The following CHCHD6 variants were observed in gnomAD, a reference collection of about 807,000 sequenced individuals.
CHCHD6 encodes the protein coiled-coil-helix-coiled-coil-helix domain containing 6.
In CHCHD6, 28 loss-of-function variants were observed where a neutral mutation model predicts 32.3. The observed-to-expected ratio is 0.87, with a 90% confidence interval of 0.64 to 1.19. The LOEUF is 1.19. Ranked by LOEUF, CHCHD6 falls within the 50% of genes most tolerant of loss-of-function variation. The pLI is 0.00. For synonymous variants in CHCHD6, 122 were observed against 117.5 expected (o/e 1.04, Z -0.25); for missense variants, 333 against 307.0 (o/e 1.08, Z -0.63).
At chr3:126,833,812 T>G (rs1940737394) in intron 4 of CHCHD6, among the ~76,000 whole-genome samples, 1 of 151,952 alleles carries the variant, frequency 6.6e-6, no homozygotes, top group South Asian at 2.1e-4. Flanking sequence ...TCCCAGCACT[T>G]TGGGAGGCCG....
intron 4 of CHCHD6, among the ~76,000 whole-genome samples, chr3:126,811,468 A>C (rs931461950): frequency 6.6e-6 from 1 of 152,356 alleles, no homozygotes; most frequent in Middle Eastern, 3.4e-3. Flanking sequence ...TTTGCTAATC[A>C]AACAGAACAT....
chr3:126,948,330 C>T (rs1040862314), intron 6 of CHCHD6, among the ~76,000 whole-genome samples: 9 of 152,352 alleles, frequency 5.9e-5, no homozygotes, highest in East Asian at 3.9e-4. Flanking sequence ...GTTGCAGCCC[C>T]TCCTAGGCTG....
chr3:126,846,462 T>G (rs972830165), intron 4 of CHCHD6, among the ~76,000 whole-genome samples: 7 of 152,238 alleles, frequency 4.6e-5, no homozygotes, highest in African/African-American at 1.7e-4. Context: ...ACTATGTATG[T>G]GGCTTTGCAC....
chr3:126,929,270 C>T (rs887793996), intron 6 of CHCHD6, among the ~76,000 whole-genome samples: 3 of 152,190 alleles, frequency 2.0e-5, no homozygotes, highest in African/African-American at 7.2e-5. Context: ...AGATAAGCAG[C>T]CAGAATGCAG....
At chr3:126,897,764 A>C (rs1045928825) in intron 5 of CHCHD6, among the ~76,000 whole-genome samples, 3 of 152,112 alleles carry the variant, frequency 2.0e-5, no homozygotes, top group Non-Finnish European at 4.4e-5. Context: ...TTGTCCCCCT[A>C]GGCCCTTTGG....
intron 6 of CHCHD6, among the ~76,000 whole-genome samples, chr3:126,944,560 C>T (rs1304896719): frequency 6.6e-6 from 1 of 152,232 alleles, no homozygotes; most frequent in Admixed American, 6.5e-5. Context: ...TCACAGGACC[C>T]TCTCAGGTGA....
intron 4 of CHCHD6, among the ~76,000 whole-genome samples, chr3:126,838,044 T>A (rs748630660): frequency 5.3e-5 from 8 of 152,122 alleles, no homozygotes; most frequent in Non-Finnish European, 1.2e-4. Context: ...GGGAGCAGTG[T>A]CAGCACTGCA....
intron 6 of CHCHD6, among the ~76,000 whole-genome samples, chr3:126,924,907 GGCCTCCATCACCT>G (rs2078301244): frequency 6.6e-6 from 1 of 152,164 alleles, no homozygotes; most frequent in Admixed American, 6.5e-5. Flanking sequence ...TTTCCTTCCA[GGCCTCCATCACCT>G]GCCTTTCATT....
intron 5 of CHCHD6, among the ~76,000 whole-genome samples, chr3:126,913,207 CTTTTTTTTTTTTTTT>C (rs546179022): frequency 2.1e-4 from 7 of 33,784 alleles, no homozygotes; most frequent in South Asian, 1.2e-3. Context: ...CCGTATGAGC[CTTTTTTTTTTTTTTT>C]TTTTTTTTTT....
At chr3:126,797,356 CT>C (rs2107688871) in intron 4 of CHCHD6, among the ~76,000 whole-genome samples, 1 of 152,302 alleles carries the variant, frequency 6.6e-6, no homozygotes, top group Admixed American at 6.5e-5. Context: ...AGAAACTAGA[CT>C]TTCCATATTT....
chr3:126,828,502 A>G (rs1940505457), intron 4 of CHCHD6, among the ~76,000 whole-genome samples: 1 of 152,192 alleles, frequency 6.6e-6, no homozygotes, highest in African/African-American at 2.4e-5. Flanking sequence ...GCAGCTGGCA[A>G]ATCAGGCCTG....
chr3:126,851,436 G>A (rs149140714), intron 4 of CHCHD6, among the ~76,000 whole-genome samples: 1 of 152,236 alleles, frequency 6.6e-6, no homozygotes, highest in Non-Finnish European at 1.5e-5. Flanking sequence ...TCTACCGCTG[G>A]CTAGCTTGTG....
At chr3:126,852,094 C>T (rs1234036320) in intron 4 of CHCHD6, among the ~76,000 whole-genome samples, 1 of 152,184 alleles carries the variant, frequency 6.6e-6, no homozygotes, top group Admixed American at 6.5e-5. Flanking sequence ...TTCCTGCAGG[C>T]ATGGATCCCT....
intron 1 of CHCHD6, among the ~76,000 whole-genome samples, chr3:126,726,447 A>C (rs986727465): frequency 6.6e-6 from 1 of 152,240 alleles, no homozygotes; most frequent in African/African-American, 2.4e-5. Flanking sequence ...TTCAAGTATC[A>C]TGAGAATTAT....
At chr3:126,727,695 C>T (rs1351221006) in intron 2 of CHCHD6, among the ~76,000 whole-genome samples, 1 of 152,100 alleles carries the variant, frequency 6.6e-6, no homozygotes, top group African/African-American at 2.4e-5. Context: ...AGGAGGGGTC[C>T]TAGGAGTTCC....
At chr3:126,911,661 C>G (rs2078092640) in intron 5 of CHCHD6, among the ~76,000 whole-genome samples, 1 of 152,252 alleles carries the variant, frequency 6.6e-6, no homozygotes, top group African/African-American at 2.4e-5. Flanking sequence ...GTGGGTACTT[C>G]CTGTGACAAA....
intron 5 of CHCHD6, among the ~76,000 whole-genome samples, chr3:126,860,576 C>T (rs1941825564): frequency 6.6e-6 from 1 of 151,968 alleles, no homozygotes; most frequent in Non-Finnish European, 1.5e-5. Flanking sequence ...GCACATATAC[C>T]CTAGAACTTA....
chr3:126,936,024 A>G (rs960159874), intron 6 of CHCHD6, among the ~76,000 whole-genome samples: 21 of 152,242 alleles, frequency 1.4e-4, no homozygotes, highest in African/African-American at 5.1e-4. Flanking sequence ...CTCCTATGGA[A>G]TGTACATATG....
chr3:126,751,825 A>G (rs1648229365), intron 4 of CHCHD6, among the ~76,000 whole-genome samples: 1 of 152,156 alleles, frequency 6.6e-6, no homozygotes, highest in African/African-American at 2.4e-5. Flanking sequence ...CTGGATAGTC[A>G]TAAGACTTCT....
Sources: gnomAD v4.1 joint callset for allele counts (sites outside exome capture counted in the v4.1 genomes callset) on GRCh38, gnomAD v4.1.1 for gene constraint, MANE v1.5 for transcripts, NCBI Gene and HGNC (gene_info 2026-07-23, HGNC 2026-07-21) for gene names.